Variants in CLTC observed in about 807,000 individuals in gnomAD.
The protein encoded by CLTC is clathrin heavy chain 1.
A neutral mutation model predicts 195.8 loss-of-function variants in CLTC; 16 were observed. The ratio of observed to expected loss-of-function variants is 0.08; its 90% confidence interval spans 0.06 to 0.12. The LOEUF (loss-of-function observed/expected upper bound fraction) is 0.12. Among genes scored for constraint, CLTC ranks in the 10% least tolerant of loss-of-function variants. The pLI, the probability that CLTC is intolerant of heterozygous loss-of-function variation, is 1.00. For missense variants in CLTC, 796 were observed against 2,027.0 expected, an observed-to-expected ratio of 0.39 and a Z score of 11.66; for synonymous variants, 667 against 689.4, an observed-to-expected ratio of 0.97 and a Z score of 0.51.
intron 31 of CLTC, among the ~76,000 whole-genome samples, chr17:59,692,190 A>G (rs1308482935): frequency 1.3e-5 from 2 of 151,980 alleles, no homozygotes; most frequent in Non-Finnish European, 2.9e-5. Context: ...GGTGGCATGC[A>G]ACTGTAGTCC....
intron 7 of CLTC, among the ~76,000 whole-genome samples, chr17:59,661,229 G>A (rs752065564): frequency 3.3e-5 from 5 of 151,666 alleles, no homozygotes; most frequent in Non-Finnish European, 7.4e-5. Flanking sequence ...TGAACCAGGG[G>A]TATGAAAGAC....
At chr17:59,678,302 AAC>A (rs1345771077) in intron 17 of CLTC, among the ~76,000 whole-genome samples, 1 of 152,186 alleles carries the variant, frequency 6.6e-6, no homozygotes, top group Non-Finnish European at 1.5e-5. Context: ...GGAGATATTA[AAC>A]AGTCTATAAG....
intron 6 of CLTC, 125 bp from the exon 7 acceptor site, chr17:59,660,266 G>A: frequency 1.3e-6 from 1 of 785,446 alleles, no homozygotes; most frequent in Non-Finnish European, 2.0e-6. Context: ...TTTAATGGCA[G>A]CAAGAAAACA....
In CLTC at chr17:59,666,361, A is replaced by T. The variant is rs147529926; in HGVS notation, c.1783-119A>T. 234 of 1,475,316 alleles carry T rather than the reference A, an allele frequency of 1.6e-4. 1 individual carries two copies. The African/African-American group carries it at 2.0e-3, about 13-fold the overall frequency. 91.4% of individuals were successfully genotyped at this position (1,475,316 alleles called of 1,614,324 possible). ...ACTCCTTATTAAAGAAAATGTAGCT[A>T]TTATAATATTCTTTTGTACTTTAAC... On this transcript the variant is annotated intron_variant, in intron 11 of 31. Coordinates refer to ENST00000269122, the MANE Select transcript of CLTC (RefSeq NM_004859.4). The surrounding 1 kb of genome is among the most constrained non-coding windows in gnomAD (Gnocchi z 4.9).
At chr17:59,620,948 A>G (rs996042170) in intron 1 of CLTC, among the ~76,000 whole-genome samples, 7 of 152,184 alleles carry the variant, frequency 4.6e-5, no homozygotes, top group Non-Finnish European at 8.8e-5. Flanking sequence ...AAGGTAGGAA[A>G]GAGTGATACA....
At chr17:59,643,504 C>T (rs759224553) in intron 1 of CLTC, among the ~76,000 whole-genome samples, 14 of 152,116 alleles carry the variant, frequency 9.2e-5, no homozygotes, top group Admixed American at 2.6e-4. Flanking sequence ...AAGTAGCTCC[C>T]TTCGCCTGTA....
Position 59,685,461 on chromosome 17 carries a change from C to A in CLTC, c.4606-126C>A. ...TTTGAAAATTTTAATTTAAATGATA[C>A]AACTAGGAGGCTTTTTTCCCCTTGC... On this transcript the variant is annotated intron_variant, in intron 29 of 31. Transcript: ENST00000269122. The surrounding 1 kb of genome is among the most constrained non-coding windows in gnomAD (Gnocchi z 5.0). 1.1e-6 allele frequency: 1 copy of A among 914,190 alleles called. No homozygotes were observed. The highest frequency in any genetic ancestry group is 1.6e-6 in the Non-Finnish European group (1 of 617,304). The allele number at this position is 914,190 out of a possible 1,614,324, so 56.6% of individuals were successfully genotyped here.
intron 1 of CLTC, among the ~76,000 whole-genome samples, chr17:59,629,784 G>T (rs1408028761): frequency 1.3e-5 from 2 of 152,104 alleles, no homozygotes; most frequent in East Asian, 3.9e-4. Flanking sequence ...CTCCCAAAGT[G>T]CTGGGATTAC....
rs562821741 is a variant in CLTC at position 59,625,678 on chromosome 17, G to A, written c.42+5505G>A. Among the ~76,000 whole-genome samples, 12 of 152,198 alleles carry A rather than the reference G, an allele frequency of 7.9e-5. No individual in the cohort carries two copies. In the South Asian group the frequency reaches 2.3e-3, roughly 29 times the overall value. ...TTAAACAAACAAAAATGAAGAAAAA[G>A]GAAAGCAGATATGCAATACTTCAGT... On this transcript the variant is annotated intron_variant, in intron 1 of 31. Coordinates refer to ENST00000269122, the MANE Select transcript of CLTC (RefSeq NM_004859.4).
intron 6 of CLTC, among the ~76,000 whole-genome samples, chr17:59,656,926 C>T (rs1240750240): frequency 6.6e-6 from 1 of 152,006 alleles, no homozygotes; most frequent in Non-Finnish European, 1.5e-5. Flanking sequence ...CCCGCCCCAG[C>T]CTCCCAAAGT....
At position 59,658,290 on chromosome 17, in the gene CLTC, G is replaced by A. The variant is rs920863113; in HGVS notation, c.970-2101G>A. On this transcript the variant is annotated intron_variant, in intron 6 of 31. Coordinates refer to ENST00000269122, the MANE Select transcript of CLTC (RefSeq NM_004859.4). ...TGGGCTCAAGCGATCCTCCTGCCTT[G>A]GCCTCCCAAAGTGCTAGGATTACAG... Among the ~76,000 whole-genome samples the A allele has an allele frequency of 7.9e-5, 12 of 152,218 alleles. No homozygotes were observed. The East Asian group carries it at 2.3e-3, about 29-fold the overall frequency.
intron 4 of CLTC, among the ~76,000 whole-genome samples, chr17:59,649,113 G>A (rs572316905): frequency 1.0e-3 from 157 of 152,294 alleles, no homozygotes; most frequent in African/African-American, 3.7e-3. Flanking sequence ...CTTAGTTGCA[G>A]GTAATAGAAA....
chr17:59,661,822 GC>G (rs1397796566), intron 8 of CLTC, among the ~76,000 whole-genome samples, 179 bp downstream of exon 8: 6 of 151,726 alleles, frequency 4.0e-5, no homozygotes, highest in African/African-American at 1.5e-4. Flanking sequence ...ATATTTTTTC[GC>G]CGGGCATGGT....
intron 2 of CLTC, 89 bp from the exon 3 acceptor site, chr17:59,647,309 T>A: frequency 1.0e-6 from 1 of 993,370 alleles, no homozygotes; most frequent in Non-Finnish European, 1.5e-6. Flanking sequence ...AGAACTATTT[T>A]TGTTTGGAAG....
At chr17:59,689,098 A>C (rs1347100366) in intron 30 of CLTC, 1 of 152,204 alleles carries the variant, frequency 6.6e-6, no homozygotes. Flanking sequence ...AATTTGTAAC[A>C]CATCATTTAG....
chr17:59,634,075 G>GT (rs2031797521), intron 1 of CLTC, among the ~76,000 whole-genome samples: 1 of 152,024 alleles, frequency 6.6e-6, no homozygotes, highest in Non-Finnish European at 1.5e-5. Context: ...CGCCTGGACA[G>GT]TTTTTTTATT....
chr17:59,691,451 C>T (rs186578793), intron 31 of CLTC, among the ~76,000 whole-genome samples: 3 of 151,846 alleles, frequency 2.0e-5, no homozygotes, highest in African/African-American at 4.8e-5. Flanking sequence ...AGTGAATCGC[C>T]GTGTCTACTA....
intron 1 of CLTC, among the ~76,000 whole-genome samples, chr17:59,638,839 A>G (rs1426832024): frequency 6.6e-6 from 1 of 152,120 alleles, no homozygotes; most frequent in African/African-American, 2.4e-5. Flanking sequence ...GCTCTAGATT[A>G]TGGGGAAGCC....
At chr17:59,670,226 C>A (rs778449583) in intron 14 of CLTC, among the ~76,000 whole-genome samples, 28 of 151,364 alleles carry the variant, frequency 1.8e-4, no homozygotes, top group African/African-American at 5.8e-4. Flanking sequence ...TTAAAAAAAA[C>A]AACAACAAAA....
Sources: gnomAD v4.1 joint callset for allele counts (sites outside exome capture counted in the v4.1 genomes callset) on GRCh38, gnomAD v4.1.1 for gene constraint, Gnocchi (gnomAD v3.1) non-coding constraint, MANE v1.5 for transcripts, NCBI Gene and HGNC (gene_info 2026-07-23, HGNC 2026-07-21) for gene names.